EIF2AK4: variants seen among roughly 807,000 people sequenced by gnomAD.
EIF2AK4 encodes the protein eukaryotic translation initiation factor 2 alpha kinase 4, also known as eIF-2-alpha kinase GCN2.
EIF2AK4 carries 139 observed loss-of-function variants against 211.1 expected under a neutral mutation model. The ratio of observed to expected loss-of-function variants is 0.66; its 90% confidence interval spans 0.57 to 0.76. The LOEUF is 0.76. Ranked by LOEUF, EIF2AK4 falls within the 30% of genes least tolerant of loss-of-function variation. The pLI is 0.00. For missense variants in EIF2AK4, 1,664 were observed against 2,043.8 expected (o/e 0.81, Z 3.58); for synonymous variants, 710 against 751.3 (o/e 0.94, Z 0.90).
intron 35 of EIF2AK4, 133 bp from the exon 36 acceptor site, chr15:40,032,036 C>T: frequency 1.2e-6 from 1 of 831,426 alleles, no homozygotes. Flanking sequence ...AAGGGCAAAC[C>T]TTTAGACACC....
intron 19 of EIF2AK4, among the ~76,000 whole-genome samples, chr15:39,997,316 T>C (rs1449527308): frequency 6.6e-6 from 1 of 152,200 alleles, no homozygotes; most frequent in Non-Finnish European, 1.5e-5. Flanking sequence ...CCAAAGATCA[T>C]CAGCATGTAG....
Position 40,032,241 on chromosome 15 carries a change from A to C in EIF2AK4, c.4728+4A>C, listed in dbSNP as rs769847179. 2 of 1,614,036 alleles carry C rather than the reference A, an allele frequency of 1.2e-6. No homozygotes were observed. The highest frequency in any genetic ancestry group is 2.2e-5 in the East Asian group (1 of 44,884). The stretch of plus-strand genomic sequence containing the variant: ...CAGTGAAATTGAAATTCTGGCTGTA[A>C]GTGGCTTTCTTTAGTATTTTGAAGG... On this transcript the variant is annotated splice_donor_region_variant and intron_variant, in intron 36 of 38. Coordinates refer to ENST00000263791, the MANE Select transcript of EIF2AK4 (RefSeq NM_001013703.4).
intron 9 of EIF2AK4, among the ~76,000 whole-genome samples, chr15:39,971,735 T>A (rs1476601753): frequency 1.3e-5 from 2 of 150,278 alleles, no homozygotes; most frequent in Admixed American, 6.6e-5. Flanking sequence ...AAATTAAAAT[T>A]AAAAAAAAAG....
In EIF2AK4 at chr15:40,035,434, T is replaced by C. The variant is rs1050206639; in HGVS notation, c.*350T>C. ...GTGAGCTGTGACTGCGCCACTGCAC[T>C]CCAGTCTGGGACAACAGAGCAAGAC... On this transcript the variant is annotated 3_prime_UTR_variant, in exon 39 of 39. Coordinates refer to ENST00000263791, the MANE Select transcript of EIF2AK4 (RefSeq NM_001013703.4). 7.8e-5 allele frequency: 13 copies of C among 167,004 alleles called. No individual in the cohort carries two copies. The highest frequency in any genetic ancestry group is 1.6e-4 in the Non-Finnish European group (13 of 79,240). 10.3% of individuals were successfully genotyped at this position (167,004 alleles called of 1,614,324 possible).
At chr15:40,022,201 T>TGTGTGTGTGTGC in intron 31 of EIF2AK4, 1 of 218,192 alleles carries the variant, frequency 4.6e-6, no homozygotes, top group African/African-American at 2.4e-5. Flanking sequence ...TGTGTGTGTG[T>TGTGTGTGTGTGC]GTGTGTGTGT....
At chr15:39,969,268 G>C (rs1258059894) in intron 9 of EIF2AK4, among the ~76,000 whole-genome samples, 3 of 151,948 alleles carry the variant, frequency 2.0e-5, no homozygotes, top group Non-Finnish European at 4.4e-5. Context: ...AAATGAATGG[G>C]CTCGGTAGGT....
chr15:40,014,770 T>C (rs1044836981), intron 27 of EIF2AK4, among the ~76,000 whole-genome samples: 7 of 152,242 alleles, frequency 4.6e-5, no homozygotes, highest in African/African-American at 1.7e-4. Flanking sequence ...AGAATGGGGT[T>C]TTCTTTCCTG....
At chr15:40,016,458 C>T (rs1261507522) in intron 27 of EIF2AK4, 44 bp from the exon 28 acceptor site, 16 of 1,612,150 alleles carry the variant, frequency 9.9e-6, no homozygotes, top group Non-Finnish European at 1.3e-5. Flanking sequence ...GGGAGTCTTC[C>T]CCTGCTGTGG....
rs372653092 is a variant in EIF2AK4 at position 40,008,054 on chromosome 15, G to A, written c.3435G>A (p.Pro1145=). The change falls in exon 25 of 39, where the codon CCG becomes CCA. Residue 1145 remains proline, a synonymous_variant. Transcript: ENST00000263791. The stretch of plus-strand genomic sequence containing the variant: ...ACTGCATAGAACGTGTGTTCAGGCC[G>A]CGCAAGTTAGATCGATTTCATCCCA... ...KRYCIERVFR[P]RKLDRFHPKE... is the part of the protein sequence containing the mutation. 61 of 1,607,938 alleles carry A rather than the reference G, an allele frequency of 3.8e-5. No individual in the cohort carries two copies. The highest frequency in any genetic ancestry group is 3.7e-4 in the African/African-American group (28 of 74,782).
At chr15:39,990,464 T>G (rs1261912010) in intron 16 of EIF2AK4, 87 bp downstream of exon 16, 7 of 1,109,044 alleles carry the variant, frequency 6.3e-6, no homozygotes, top group East Asian at 4.7e-5. Flanking sequence ...GAATAGTGCG[T>G]TCACAGAACT....
At chr15:39,954,359 TC>T (rs1172737439) in intron 5 of EIF2AK4, among the ~76,000 whole-genome samples, 3 of 152,180 alleles carry the variant, frequency 2.0e-5, no homozygotes, top group African/African-American at 4.8e-5. Flanking sequence ...TTCAAGCAAT[TC>T]TCATGCCTCA....
chr15:39,934,299 G>T lies in EIF2AK4; in HGVS notation c.104G>T (p.Gly35Val). ...HELQALEAIYGADFQDLRPDA... is the reference protein window; with the variant it reads ...HELQALEAIYVADFQDLRPDA... The stretch of plus-strand genomic sequence containing the variant: ...CTACAGGCCCTGGAGGCCATTTACG[G>T]CGCGGACTTCCAAGACCTGCGGCCG... Residue 35 changes from glycine to valine, a missense_variant, in exon 1 of 39, where the codon GGC (glycine) becomes GTC (valine). By Grantham distance (109) the Gly-to-Val change is moderately radical. This residue lies in a region of EIF2AK4 where 641 missense variants were observed against 729.6 expected (regional missense o/e 0.88). Coordinates refer to ENST00000263791, the MANE Select transcript of EIF2AK4 (RefSeq NM_001013703.4). 1 of 1,612,072 alleles carries T rather than the reference G, an allele frequency of 6.2e-7. No individual in the cohort carries two copies.
chr15:39,991,461 T>G (rs1444121999), intron 16 of EIF2AK4: 4 of 152,256 alleles, frequency 2.6e-5, no homozygotes, highest in Admixed American at 6.5e-5. Flanking sequence ...TAGCATGATA[T>G]TGGACAATTA....
At chr15:39,938,151 C>T (rs1193219425) in intron 1 of EIF2AK4, among the ~76,000 whole-genome samples, 1 of 152,142 alleles carries the variant, frequency 6.6e-6, no homozygotes, top group Non-Finnish European at 1.5e-5. Context: ...TTTTCCCCCA[C>T]CAGACTGAAG....
intron 4 of EIF2AK4, among the ~76,000 whole-genome samples, chr15:39,952,334 A>G (rs1265627734): frequency 6.8e-6 from 1 of 146,068 alleles, no homozygotes; most frequent in Non-Finnish European, 1.5e-5. Flanking sequence ...TCTGTCGCCC[A>G]GGCTGGAGTG....
intron 21 of EIF2AK4, among the ~76,000 whole-genome samples, chr15:40,002,036 G>T (rs977493640): frequency 6.6e-6 from 1 of 152,146 alleles, no homozygotes; most frequent in African/African-American, 2.4e-5. Context: ...TTATGTTTCT[G>T]TTTGCTTAAT....
chr15:40,009,110 G>GT (rs1346025161), intron 25 of EIF2AK4, among the ~76,000 whole-genome samples: 3 of 106,390 alleles, frequency 2.8e-5, no homozygotes, highest in African/African-American at 7.1e-5. Flanking sequence ...TTTTGTTTTG[G>GT]AGACAGTGTC....
chr15:40,002,548 T>C (rs140172266), intron 21 of EIF2AK4, 165 bp from the exon 22 acceptor site: 19 of 629,956 alleles, frequency 3.0e-5, no homozygotes, highest in African/African-American at 1.3e-4. Flanking sequence ...ATGAAAGATA[T>C]GTGTCCTCTT....
chr15:40,002,687 T>G lies in EIF2AK4; in HGVS notation c.3160-26T>G, dbSNP rs1268213184. ...GATCCCTTTGATAAGGCTTCAATGA[T>G]GATGTTTTAATCGGTCCTGTTTTAG... On this transcript the variant is annotated intron_variant, in intron 21 of 38. Coordinates refer to ENST00000263791, the MANE Select transcript of EIF2AK4 (RefSeq NM_001013703.4). 6 of 1,612,362 alleles carry G rather than the reference T, an allele frequency of 3.7e-6. No homozygotes were observed. In the Admixed American group the frequency reaches 8.3e-5, roughly 22 times the overall value.
Sources: gnomAD v4.1 joint callset for allele counts (sites outside exome capture counted in the v4.1 genomes callset) on GRCh38, gnomAD v4.1.1 for gene constraint, gnomAD v4.1.1 regional missense constraint, MANE v1.5 for transcripts, NCBI Gene and HGNC (gene_info 2026-07-23, HGNC 2026-07-21) for gene names.